The following ATL1 variants were observed in gnomAD, a reference collection of about 807,000 sequenced individuals.
ATL1 encodes the protein atlastin-1.
Under a neutral mutation model 75.5 loss-of-function variants are expected in ATL1, and 31 were observed. That is an observed-to-expected ratio of 0.41 (90% CI 0.31 to 0.55). ATL1 has a LOEUF of 0.55. ATL1 is among the 20% of genes least tolerant of loss of function. The probability of loss-of-function intolerance (pLI) is 0.27; values close to 1 mark genes in which losing one functional copy is unlikely to be tolerated. For synonymous variants in ATL1, 226 were observed against 233.3 expected, an observed-to-expected ratio of 0.97 and a Z score of 0.28; for missense variants, 405 against 662.6, an observed-to-expected ratio of 0.61 and a Z score of 4.27.
At chr14:50,550,487 A>T (rs1486908399) in intron 1 of ATL1, among the ~76,000 whole-genome samples, 2 of 152,146 alleles carry the variant, frequency 1.3e-5, no homozygotes, top group African/African-American at 2.4e-5. Context: ...CCCCTTGTTA[A>T]GTTGCAATGG....
At chr14:50,544,932 C>A (rs1276088166) in intron 1 of ATL1, among the ~76,000 whole-genome samples, 1 of 102,702 alleles carries the variant, frequency 9.7e-6, no homozygotes, top group East Asian at 3.2e-4. Flanking sequence ...GTGAGACCCA[C>A]TCTCAAAAAA....
chr14:50,629,964 C>A, intron 12 of ATL1, 31 bp from the exon 13 acceptor site: 1 of 1,554,240 alleles, frequency 6.4e-7, no homozygotes, highest in Non-Finnish European at 8.8e-7. Context: ...ATATACTTTT[C>A]TTTTTTCTTT....
chr14:50,545,688 A>G (rs2038622527), intron 1 of ATL1, among the ~76,000 whole-genome samples: 1 of 152,248 alleles, frequency 6.6e-6, no homozygotes, highest in African/African-American at 2.4e-5. Context: ...TTAGAAAGGC[A>G]CATGCGAGTA....
At chr14:50,603,599 A>C (rs1440293714) in intron 6 of ATL1, among the ~76,000 whole-genome samples, 1 of 152,212 alleles carries the variant, frequency 6.6e-6, no homozygotes. Context: ...TAGTTTGCTT[A>C]ATTATGTTTG....
Position 50,560,236 on chromosome 14 carries a change from C to A in ATL1, c.-30C>A, listed in dbSNP as rs2038818978. 1 of 1,612,984 alleles carries A rather than the reference C, an allele frequency of 6.2e-7. No homozygotes were observed. The highest frequency in any genetic ancestry group is 1.3e-5 in the African/African-American group (1 of 74,914). ...GAGAAGGCAGCGAGCGCAGTGACAG[C>A]GCCTCACCGCCACCAGCTCCTGGAC... On this transcript the variant is annotated 5_prime_UTR_variant, in exon 1 of 14. Coordinates refer to ENST00000358385, the MANE Select transcript of ATL1 (RefSeq NM_015915.5).
chr14:50,568,665 C>T (rs2038926965), intron 1 of ATL1, among the ~76,000 whole-genome samples: 1 of 152,092 alleles, frequency 6.6e-6, no homozygotes, highest in African/African-American at 2.4e-5. Context: ...TATCTGTTTA[C>T]ATTTAAAGTA....
intron 6 of ATL1, among the ~76,000 whole-genome samples, chr14:50,607,405 T>C (rs1299145921): frequency 6.6e-6 from 1 of 151,956 alleles, no homozygotes; most frequent in African/African-American, 2.4e-5. Context: ...GTTTTGTGGG[T>C]TATGGAAGCA....
At chr14:50,613,726 A>G (rs2140226292) in intron 7 of ATL1, among the ~76,000 whole-genome samples, 1 of 152,292 alleles carries the variant, frequency 6.6e-6, no homozygotes, top group South Asian at 2.1e-4. Flanking sequence ...TACTGTACAA[A>G]TTGTTACACT....
chr14:50,622,074 G>C (rs963893230), intron 10 of ATL1, among the ~76,000 whole-genome samples, 175 bp downstream of exon 10: 5 of 152,164 alleles, frequency 3.3e-5, no homozygotes, highest in African/African-American at 1.2e-4. Flanking sequence ...ACATATTGCA[G>C]CCTCACTTGT....
intron 13 of ATL1, among the ~76,000 whole-genome samples, chr14:50,630,406 G>T (rs2039568719): frequency 6.6e-6 from 1 of 152,226 alleles, no homozygotes; most frequent in African/African-American, 2.4e-5. Flanking sequence ...TTTAGAAGTT[G>T]TTTTCAACTT....
intron 6 of ATL1, among the ~76,000 whole-genome samples, chr14:50,597,906 AG>A (rs2039236378): frequency 6.6e-6 from 1 of 152,184 alleles, no homozygotes; most frequent in African/African-American, 2.4e-5. Context: ...CATGTTAACC[AG>A]GATGGTCTTG....
At position 50,627,242 on chromosome 14, in the gene ATL1, T is replaced by TA. The variant is rs1018210214; in HGVS notation, c.1120-786dup. 4.6e-5 allele frequency among the ~76,000 whole-genome samples: 7 copies of TA among 152,354 alleles called. 1 individual carries two copies. The South Asian group carries it at 1.4e-3, about 32-fold the overall frequency. ...AGATGATCCTTAGCATTTTTTGCAA[T>TA]AAAGTGTTCTTAAATTATGTACATG... On this transcript the variant is annotated intron_variant, in intron 11 of 13. Transcript: ENST00000358385.
intron 1 of ATL1, among the ~76,000 whole-genome samples, chr14:50,561,856 G>T (rs1054634457): frequency 9.9e-5 from 15 of 152,028 alleles, no homozygotes; most frequent in Non-Finnish European, 7.3e-5. Flanking sequence ...CGTTCTCTTG[G>T]CCTCTAGAAT....
rs1011888583 is a variant in ATL1 at position 50,632,429 on chromosome 14, C to G, written c.*90C>G. On this transcript the variant is annotated 3_prime_UTR_variant, in exon 14 of 14. Transcript: ENST00000358385. ...ATGCAAACATTCAAAGTGCTTCCAT[C>G]AGAACGGAGTAAAATACTAAACACC... 9.9e-6 allele frequency: 9 copies of G among 907,446 alleles called. No homozygotes were observed. In the East Asian group the frequency reaches 2.4e-4, roughly 25 times the overall value. The allele number at this position is 907,446 out of a possible 1,614,324, so 56.2% of individuals were successfully genotyped here.
At chr14:50,598,063 A>G (rs112193920) in intron 6 of ATL1, among the ~76,000 whole-genome samples, 5 of 152,330 alleles carry the variant, frequency 3.3e-5, no homozygotes, top group African/African-American at 1.2e-4. Flanking sequence ...TACCATTCAC[A>G]ATAGCAAAAC....
In ATL1 at chr14:50,560,236, C is replaced by T; in HGVS notation, c.-30C>T. 6.2e-7 allele frequency: 1 copy of T among 1,613,102 alleles called. No homozygotes were observed. The highest frequency in any genetic ancestry group is 2.2e-5 in the East Asian group (1 of 44,852). On this transcript the variant is annotated 5_prime_UTR_variant, in exon 1 of 14. Transcript: ENST00000358385. ...GAGAAGGCAGCGAGCGCAGTGACAG[C>T]GCCTCACCGCCACCAGCTCCTGGAC... is the stretch of plus-strand genomic sequence containing the variant.
intron 2 of ATL1, among the ~76,000 whole-genome samples, chr14:50,590,331 A>G (rs1233226449): frequency 6.6e-6 from 1 of 152,194 alleles, no homozygotes; most frequent in African/African-American, 2.4e-5. Context: ...CCTGCAGGAT[A>G]AAATCTGACT....
intron 1 of ATL1, among the ~76,000 whole-genome samples, chr14:50,563,656 C>G (rs2038873266): frequency 6.6e-6 from 1 of 152,104 alleles, no homozygotes; most frequent in Non-Finnish European, 1.5e-5. Context: ...TAGCTAGAGA[C>G]CTGTAGGTCT....
chr14:50,533,720 CATCCAA>C (rs2038454157), intron 1 of ATL1, among the ~76,000 whole-genome samples: 1 of 152,152 alleles, frequency 6.6e-6, no homozygotes. Context: ...TGGCTTTGAA[CATCCAA>C]TTTTTAATTC....
Sources: allele counts gnomAD v4.1 joint callset (sites outside exome capture counted in the v4.1 genomes callset), GRCh38; gene constraint gnomAD v4.1.1; transcripts MANE v1.5; gene names NCBI Gene and HGNC (gene_info 2026-07-23, HGNC 2026-07-21).